Variants in FARS2 observed in about 807,000 individuals in gnomAD.
FARS2 encodes the protein phenylalanyl-tRNA synthetase 2, mitochondrial.
A neutral mutation model predicts 46.4 loss-of-function variants in FARS2; 40 were observed. The ratio of observed to expected loss-of-function variants is 0.86; its 90% CI spans 0.67 to 1.12. The LOEUF is 1.12. Among genes scored for constraint, FARS2 ranks in the 50% most tolerant of loss-of-function variants. The pLI, the probability that FARS2 is intolerant of heterozygous loss-of-function variation, is 0.00. For synonymous variants in FARS2, 234 were observed against 214.9 expected (o/e 1.09, Z -0.78); for missense variants, 513 against 567.9 (o/e 0.90, Z 0.98).
intron 4 of FARS2, among the ~76,000 whole-genome samples, chr6:5,526,940 G>C (rs976177857): frequency 3.9e-5 from 6 of 152,204 alleles, no homozygotes; most frequent in African/African-American, 9.6e-5. Flanking sequence ...TTAACAGAAA[G>C]AAACAGATAA....
chr6:5,485,841 A>C (rs7774039), intron 4 of FARS2, among the ~76,000 whole-genome samples: 50 of 152,228 alleles, frequency 3.3e-4, no homozygotes, highest in African/African-American at 1.2e-3. Context: ...TACCACTGAG[A>C]TTTCAGTTCC....
intron 4 of FARS2, among the ~76,000 whole-genome samples, chr6:5,536,575 T>C (rs1770214756): frequency 1.3e-5 from 2 of 152,218 alleles, no homozygotes; most frequent in African/African-American, 4.8e-5. Context: ...TTCTCATTCA[T>C]AGCCACAAGT....
At chr6:5,770,355 T>A (rs1013021070) in intron 6 of FARS2, among the ~76,000 whole-genome samples, 6 of 152,158 alleles carry the variant, frequency 3.9e-5, no homozygotes, top group Non-Finnish European at 5.9e-5. Context: ...TTTGTTTCAG[T>A]TTCCTCCCCC....
intron 1 of FARS2, among the ~76,000 whole-genome samples, chr6:5,293,901 A>C (rs779230272): frequency 6.6e-6 from 1 of 152,220 alleles, no homozygotes; most frequent in Non-Finnish European, 1.5e-5. Flanking sequence ...GGTCTGCCAC[A>C]GGTGAGAAGT....
At chr6:5,366,732 G>A (rs747443586) in intron 1 of FARS2, among the ~76,000 whole-genome samples, 2 of 152,216 alleles carry the variant, frequency 1.3e-5, no homozygotes, top group Non-Finnish European at 2.9e-5. Flanking sequence ...TGGATCAGAA[G>A]CACCTTTCCG....
intron 3 of FARS2, among the ~76,000 whole-genome samples, chr6:5,426,511 T>C (rs1023209881): frequency 1.3e-5 from 2 of 152,220 alleles, no homozygotes; most frequent in Non-Finnish European, 2.9e-5. Context: ...TTTGAGATCA[T>C]AGATTGAAAA....
chr6:5,294,392 A>G (rs1016289382), intron 1 of FARS2, among the ~76,000 whole-genome samples: 10 of 152,166 alleles, frequency 6.6e-5, no homozygotes, highest in Non-Finnish European at 1.5e-4. Context: ...TTCACACTAC[A>G]ACAATCATCA....
At chr6:5,411,023 G>C (rs1462750882) in intron 3 of FARS2, among the ~76,000 whole-genome samples, 1 of 152,142 alleles carries the variant, frequency 6.6e-6, no homozygotes, top group African/African-American at 2.4e-5. Context: ...CCAGAAGTTA[G>C]CTTTTGGATA....
At chr6:5,665,176 A>G (rs1778049026) in intron 6 of FARS2, 1 of 152,284 alleles carries the variant, frequency 6.6e-6, no homozygotes, top group South Asian at 2.1e-4. Flanking sequence ...AGCTCACCCA[A>G]AAACCCCGAT....
chr6:5,447,504 A>G (rs1363269762), intron 4 of FARS2, among the ~76,000 whole-genome samples: 2 of 152,214 alleles, frequency 1.3e-5, no homozygotes, highest in Non-Finnish European at 2.9e-5. Flanking sequence ...AATCACTAGT[A>G]TAACCTCTTC....
At chr6:5,563,353 A>G (rs115466978) in intron 5 of FARS2, among the ~76,000 whole-genome samples, 1,644 of 152,342 alleles carry the variant, frequency 0.011, 30 homozygotes, top group African/African-American at 0.037. Context: ...GGAAAGGACA[A>G]GAAGGCTGAG....
intron 6 of FARS2, among the ~76,000 whole-genome samples, chr6:5,721,177 A>T (rs1412054299): frequency 6.6e-6 from 1 of 152,214 alleles, no homozygotes; most frequent in Non-Finnish European, 1.5e-5. Context: ...TAACTATAAA[A>T]ATTTTTGTGA....
At chr6:5,550,889 A>G (rs1771332713) in intron 5 of FARS2, among the ~76,000 whole-genome samples, 1 of 152,196 alleles carries the variant, frequency 6.6e-6, no homozygotes, top group South Asian at 2.1e-4. Context: ...ATTTCTTCAA[A>G]GAGCCCTCTG....
intron 1 of FARS2, among the ~76,000 whole-genome samples, chr6:5,287,426 C>T (rs1358402612): frequency 6.6e-6 from 1 of 152,158 alleles, no homozygotes; most frequent in African/African-American, 2.4e-5. Flanking sequence ...TTCCCGGCCG[C>T]ACTGTTTCCT....
At chr6:5,568,214 G>T (rs1171627221) in intron 5 of FARS2, among the ~76,000 whole-genome samples, 2 of 152,094 alleles carry the variant, frequency 1.3e-5, no homozygotes, top group African/African-American at 4.8e-5. Context: ...GTAATATGCG[G>T]TTCTGATTCA....
At position 5,598,665 on chromosome 6, in the gene FARS2, CAG is replaced by C. The variant is rs564050460; in HGVS notation, c.1066-14502_1066-14501del. Among the ~76,000 whole-genome samples the C allele has an allele frequency of 8.8e-4, 134 of 152,218 alleles. 3 individuals are homozygous for C. In the South Asian group the frequency reaches 0.014, roughly 16 times the overall value. On this transcript the variant is annotated intron_variant, in intron 5 of 6. Transcript: ENST00000274680. ...GGCTGGGGTCACTGCAGAGAAAAAA[CAG>C]AAACAGTGTTAATTCTTTAGCACTA...
At chr6:5,355,834 A>G (rs1757885737) in intron 1 of FARS2, among the ~76,000 whole-genome samples, 1 of 152,152 alleles carries the variant, frequency 6.6e-6, no homozygotes, top group Non-Finnish European at 1.5e-5. Flanking sequence ...CCTTGGAGAC[A>G]CCTACTATGA....
intron 6 of FARS2, among the ~76,000 whole-genome samples, chr6:5,706,211 A>G (rs1411120884): frequency 6.6e-6 from 1 of 152,180 alleles, no homozygotes; most frequent in Non-Finnish European, 1.5e-5. Flanking sequence ...CGCTGATGTG[A>G]CAACAGGCAG....
intron 1 of FARS2, among the ~76,000 whole-genome samples, chr6:5,304,984 A>C (rs562642153): frequency 6.6e-6 from 1 of 152,264 alleles, no homozygotes; most frequent in African/African-American, 2.4e-5. Context: ...TGGTAGGAGC[A>C]GTAGTGGGAG....
Sources: gnomAD v4.1 joint callset for allele counts (sites outside exome capture counted in the v4.1 genomes callset) on GRCh38, gnomAD v4.1.1 for gene constraint, MANE v1.5 for transcripts, NCBI Gene and HGNC (gene_info 2026-07-23, HGNC 2026-07-21) for gene names.